The following ITPR1 variants were observed in gnomAD, a reference collection of about 807,000 sequenced individuals.
ITPR1 encodes inositol 1,4,5-trisphosphate receptor type 1.
ITPR1 carries 96 observed loss-of-function variants against 318.4 expected under a neutral mutation model. That is an observed-to-expected ratio of 0.30 (90% CI 0.26 to 0.36). The LOEUF is 0.36. ITPR1 is among the 10% of genes least tolerant of loss of function. The pLI is 1.00. For synonymous variants in ITPR1, 1,312 were observed against 1,289.9 expected (o/e 1.02, Z -0.37); for missense variants, 2,440 against 3,460.2 (o/e 0.71, Z 7.40).
chr3:4,613,820 A>G (rs576734899), intron 4 of ITPR1, among the ~76,000 whole-genome samples: 1 of 152,224 alleles, frequency 6.6e-6, no homozygotes, highest in Non-Finnish European at 1.5e-5. Flanking sequence ...GTGTATACAG[A>G]TATATAGGCA....
At chr3:4,638,429 G>A (rs889189825) in intron 5 of ITPR1, among the ~76,000 whole-genome samples, 2 of 152,156 alleles carry the variant, frequency 1.3e-5, no homozygotes, top group Non-Finnish European at 2.9e-5. Flanking sequence ...GAGTTGCACA[G>A]GTGAATGAAT....
chr3:4,547,153 T>G (rs2085104334), intron 4 of ITPR1, among the ~76,000 whole-genome samples: 1 of 152,260 alleles, frequency 6.6e-6, no homozygotes, highest in Admixed American at 6.5e-5. Context: ...AGTTACAGTC[T>G]CTTCACTGTC....
At chr3:4,746,855 C>G (rs1483843208) in intron 44 of ITPR1, among the ~76,000 whole-genome samples, 2 of 152,192 alleles carry the variant, frequency 1.3e-5, no homozygotes, top group East Asian at 3.9e-4. Flanking sequence ...GTTTATCTTC[C>G]CTCACCCACT....
intron 36 of ITPR1, among the ~76,000 whole-genome samples, chr3:4,704,543 TA>T (rs1449962520): frequency 6.6e-6 from 1 of 152,012 alleles, no homozygotes; most frequent in Non-Finnish European, 1.5e-5. Flanking sequence ...CCCCTGATTC[TA>T]AGATAAAAGT....
intron 44 of ITPR1, 63 bp downstream of exon 44, chr3:4,735,417 G>T: frequency 7.3e-7 from 1 of 1,371,892 alleles, no homozygotes; most frequent in Non-Finnish European, 1.0e-6. Flanking sequence ...GTCTGTTCTG[G>T]GAGCCAGATG....
intron 42 of ITPR1, among the ~76,000 whole-genome samples, chr3:4,729,798 C>A (rs929290268): frequency 6.6e-6 from 1 of 152,100 alleles, no homozygotes; most frequent in African/African-American, 2.4e-5. Flanking sequence ...GAATTTCTGA[C>A]TGAGACAAAC....
Position 4,788,077 on chromosome 3 carries a change from A to G in ITPR1, c.6746A>G (p.Asn2249Ser), listed in dbSNP as rs528363626. 6 of 1,611,702 alleles carry G rather than the reference A, an allele frequency of 3.7e-6. No homozygotes were observed. The highest frequency in any genetic ancestry group is 5.1e-6 in the Non-Finnish European group (6 of 1,178,830). Residue 2249 changes from asparagine (N) to serine (S), a missense_variant, in exon 52 of 62, where the codon AAT becomes AGT. Physicochemically the swap from Asn to Ser is conservative, Grantham distance 46 (BLOSUM62 1). This residue lies in a region of ITPR1 where 115 missense variants were observed against 204.5 expected (regional missense o/e 0.56). Coordinates refer to ENST00000649015, the MANE Select transcript of ITPR1 (RefSeq NM_001378452.1). ...AGAGACGAACAAGGCAGCAAAATCA[A>G]TGATTTCTTTCTGCGGTCTGAAGAC... Reference protein sequence around the residue: ...TERDEQGSKINDFFLRSEDLF... With the variant: ...TERDEQGSKISDFFLRSEDLF...
chr3:4,567,609 T>TG lies in ITPR1; in HGVS notation c.163+46515_163+46516insG, dbSNP rs2087463599. Among the ~76,000 whole-genome samples the TG allele has an allele frequency of 4.3e-5, 6 of 140,884 alleles. No homozygotes were observed. The South Asian group carries it at 1.6e-3, about 36-fold the overall frequency. The allele number at this position is 140,884 out of a possible 152,430, so 92.4% of individuals were successfully genotyped here. ...GGAGGTGACGCTTGAGCTAGTTTTT[T>TG]TTGGTTTCTTTTTTGAGACGGGGTC... On this transcript the variant is annotated intron_variant, in intron 4 of 61. Coordinates refer to ENST00000649015, the MANE Select transcript of ITPR1 (RefSeq NM_001378452.1).
In ITPR1 at chr3:4,688,479, G is replaced by T. The variant is rs993833488; in HGVS notation, c.3703-16G>T. The T allele has an allele frequency of 1.2e-6, 2 of 1,613,258 alleles. No individual in the cohort carries two copies. The highest frequency in any genetic ancestry group is 2.7e-5 in the African/African-American group (2 of 74,896). ...GGCCCAGCAATCAGTGCTTTCATCT[G>T]TCTCCTCCCACACAGGCCGAAGATA... On this transcript the variant is annotated splice_polypyrimidine_tract_variant and intron_variant, in intron 30 of 61. Transcript: ENST00000649015.
At chr3:4,782,500 A>C in intron 49 of ITPR1, 119 bp from the exon 50 acceptor site, 2 of 1,007,946 alleles carry the variant, frequency 2.0e-6, no homozygotes, top group Non-Finnish European at 2.8e-6. Flanking sequence ...GCCCGATAGG[A>C]GAGAGTGCGG....
chr3:4,756,672 C>T (rs2045018487), intron 44 of ITPR1, among the ~76,000 whole-genome samples: 1 of 152,090 alleles, frequency 6.6e-6, no homozygotes, highest in South Asian at 2.1e-4. Context: ...CGTTCTTTTT[C>T]ATGCCGTCCA....
chr3:4,642,051 A>T, intron 6 of ITPR1, 42 bp from the exon 7 acceptor site: 1 of 1,476,090 alleles, frequency 6.8e-7, no homozygotes. Context: ...TAGAAAATTC[A>T]GATTTGCTGA....
chr3:4,561,596 A>G (rs1220174328), intron 4 of ITPR1, among the ~76,000 whole-genome samples: 2 of 152,204 alleles, frequency 1.3e-5, no homozygotes, highest in African/African-American at 4.8e-5. Flanking sequence ...AAAGGAGAAA[A>G]TAAGAAAGAA....
At chr3:4,789,683 G>A (rs1474150427) in intron 52 of ITPR1, among the ~76,000 whole-genome samples, 2 of 152,076 alleles carry the variant, frequency 1.3e-5, no homozygotes, top group Admixed American at 6.6e-5. Context: ...GCAGTGGCGC[G>A]ATCTCGGGTC....
Position 4,531,403 on chromosome 3 carries a change from C to G in ITPR1, c.163+10309C>G, listed in dbSNP as rs114934353. On this transcript the variant is annotated intron_variant, in intron 4 of 61. Coordinates refer to ENST00000649015, the MANE Select transcript of ITPR1 (RefSeq NM_001378452.1). ...CTCCTCACCTGTTTCTGTAATTCCA[C>G]CTTTGCCTCCTTTGTGTCTGAGTGT... Among the ~76,000 whole-genome samples the G allele has an allele frequency of 1.3e-3, 202 of 152,296 alleles. 1 individual carries two copies. Among genetic ancestry groups the G allele is most frequent in the African/African-American group, 4.6e-3 (193 of 41,558 alleles).
Position 4,684,313 on chromosome 3 carries a change from C to T in ITPR1, c.3531C>T (p.Ser1177=). 7 of 1,612,926 alleles carry T rather than the reference C, an allele frequency of 4.3e-6. No individual in the cohort carries two copies. The highest frequency in any genetic ancestry group is 5.9e-6 in the Non-Finnish European group (7 of 1,179,290). ...ATAACAAGCCACAAAAGCATGAAAG[C>T]ACCAGCAGCTACAACTACAGAGTGG... The part of the protein sequence containing the change: ...EGNNKPQKHE[S]TSSYNYRVVK... Residue 1177 remains serine, a synonymous_variant, in exon 29 of 62, where the codon AGC becomes AGT. Transcript: ENST00000649015.
intron 39 of ITPR1, among the ~76,000 whole-genome samples, chr3:4,716,823 T>C (rs939907301): frequency 1.1e-4 from 17 of 152,206 alleles, no homozygotes; most frequent in Admixed American, 2.6e-4. Flanking sequence ...CTAATCATCC[T>C]AGAGGGAATA....
At chr3:4,649,021 C>T (rs2093531563) in intron 10 of ITPR1, among the ~76,000 whole-genome samples, 1 of 152,142 alleles carries the variant, frequency 6.6e-6, no homozygotes, top group Admixed American at 6.5e-5. Context: ...ATGGTCCCCA[C>T]CACAGAGTTT....
intron 29 of ITPR1, 75 bp from the exon 30 acceptor site, chr3:4,684,994 C>T: frequency 4.7e-6 from 7 of 1,480,618 alleles, no homozygotes; most frequent in South Asian, 2.4e-5. Context: ...GCCTCCCTGC[C>T]CGCCACCACC....
Sources: allele counts gnomAD v4.1 joint callset (sites outside exome capture counted in the v4.1 genomes callset), GRCh38; gene constraint gnomAD v4.1.1; regional missense constraint gnomAD v4.1.1; transcripts MANE v1.5; gene names NCBI Gene and HGNC (gene_info 2026-07-23, HGNC 2026-07-21).